ATG7: variants seen among roughly 807,000 people sequenced by gnomAD.
ATG7 encodes autophagy related 7.
ATG7 carries 70 observed loss-of-function variants against 82.4 expected under a neutral mutation model. The observed-to-expected ratio is 0.85, with a 90% CI of 0.70 to 1.04. The LOEUF (loss-of-function observed/expected upper bound fraction) is 1.04. Among genes scored for constraint, ATG7 ranks in the 50% least tolerant of loss-of-function variants. The pLI, the probability that ATG7 is intolerant of heterozygous loss-of-function variation, is 0.00. For synonymous variants in ATG7, 287 were observed against 313.0 expected (o/e 0.92, Z 0.88); for missense variants, 792 against 864.3 (o/e 0.92, Z 1.05).
intron 3 of ATG7, chr3:11,288,636 C>T (rs1383954843): frequency 6.6e-6 from 1 of 152,322 alleles, no homozygotes; most frequent in East Asian, 1.9e-4. Context: ...CCTCTCTCCT[C>T]ACCTCCTAGC....
At position 11,345,409 on chromosome 3, in the gene ATG7, AAAAAT is replaced by A. The variant is rs149439317; in HGVS notation, c.1126-2458_1126-2454del. ...GGGTGACAGAGCAGGACTCTGTCTC[AAAAAT>A]AAAATAAAAGAATTTTGTTGGTTGG... On this transcript the variant is annotated intron_variant, in intron 13 of 20. Transcript: ENST00000693202. Among the ~76,000 whole-genome samples the A allele has an allele frequency of 6.8e-3, 1,041 of 152,312 alleles. 8 individuals carry two copies. The highest frequency in any genetic ancestry group is 0.024 in the African/African-American group (989 of 41,556).
chr3:11,497,363 A>ATATATGTATATG (rs1408489575), intron 20 of ATG7, among the ~76,000 whole-genome samples: 1 of 62,578 alleles, frequency 1.6e-5, no homozygotes, highest in African/African-American at 6.3e-5. Flanking sequence ...AATACTATAT[A>ATATATGTATATG]TATATATATA....
chr3:11,457,563 A>C (rs1025044992), intron 20 of ATG7, among the ~76,000 whole-genome samples: 5 of 152,218 alleles, frequency 3.3e-5, no homozygotes, highest in Admixed American at 1.3e-4. Context: ...AATGTGTGAA[A>C]GAATTTGCAT....
chr3:11,471,251 G>C (rs560367873), intron 20 of ATG7, among the ~76,000 whole-genome samples: 54 of 152,214 alleles, frequency 3.5e-4, no homozygotes, highest in African/African-American at 1.3e-3. Flanking sequence ...GCTGGCCCCA[G>C]CTTCCTCTCA....
intron 19 of ATG7, among the ~76,000 whole-genome samples, chr3:11,393,374 G>A (rs1317359807): frequency 7.0e-6 from 1 of 141,958 alleles, no homozygotes; most frequent in Non-Finnish European, 1.6e-5. Context: ...GGGTACCTCA[G>A]ATACTAACTA....
chr3:11,554,712 A>AG, intron 20 of ATG7, 99 bp from the exon 21 acceptor site: 1 of 1,407,444 alleles, frequency 7.1e-7, no homozygotes, highest in Non-Finnish European at 9.8e-7. Context: ...GTGGTTCTGC[A>AG]GGTGGGAGCT....
At chr3:11,454,001 A>T (rs1041759273) in intron 20 of ATG7, among the ~76,000 whole-genome samples, 2 of 152,188 alleles carry the variant, frequency 1.3e-5, no homozygotes, top group African/African-American at 4.8e-5. Context: ...AATAAATGTG[A>T]CTGCCACTTC....
intron 7 of ATG7, among the ~76,000 whole-genome samples, chr3:11,312,537 C>T (rs1948827520): frequency 6.6e-6 from 1 of 152,196 alleles, no homozygotes; most frequent in Non-Finnish European, 1.5e-5. Context: ...CTCTCCATGG[C>T]TCTAATCATG....
At chr3:11,446,370 G>A (rs555868391) in intron 20 of ATG7, 3 of 290,692 alleles carry the variant, frequency 1.0e-5, no homozygotes, top group Non-Finnish European at 2.0e-5. Flanking sequence ...AATTAAGTAT[G>A]CCAGAGACTC....
chr3:11,532,339 A>C (rs574861613), intron 20 of ATG7, among the ~76,000 whole-genome samples: 1 of 152,188 alleles, frequency 6.6e-6, no homozygotes, highest in South Asian at 2.1e-4. Flanking sequence ...CTATGGCCCA[A>C]AACAGAGGAG....
At chr3:11,573,252 AAAGAAAGAAAGAAAG>A in the ATG7 span, among the ~76,000 whole-genome samples, 1 of 35,672 alleles carries the variant, frequency 2.8e-5, no homozygotes, top group East Asian at 8.2e-4. Flanking sequence ...ATAGAGAAAG[AAAGAAAGAAAGAAAG>A]AAAGAAAGAA....
rs867769514 is a variant in ATG7, at chr3:11,452,249, G to A, written c.2079+25323G>A. Among the ~76,000 whole-genome samples the A allele has an allele frequency of 2.0e-5, 3 of 151,772 alleles. No homozygotes were observed. The South Asian group carries it at 6.3e-4, about 32-fold the overall frequency. ...AAAATACAAAAACTAGCTGGGCATG[G>A]TGGCACATGCCTGTAATCCCAGCTA... On this transcript the variant is annotated intron_variant, in intron 20 of 20. Transcript: ENST00000693202.
intron 20 of ATG7, among the ~76,000 whole-genome samples, chr3:11,438,989 T>C (rs1255689151): frequency 6.6e-6 from 1 of 152,152 alleles, no homozygotes; most frequent in Non-Finnish European, 1.5e-5. Context: ...TTGGGGAGTT[T>C]CCATATTTTG....
rs371022267 is a variant in ATG7 at position 11,342,286 on chromosome 3, C to T, written c.1125+7C>T. ...TGTAGCTAGGACGTTGATGGTAAGT[C>T]GGAGGTGGGGGGTGCAAATGGCACC... On this transcript the variant is annotated splice_region_variant and intron_variant, in intron 13 of 20. Coordinates refer to ENST00000693202, the MANE Select transcript of ATG7 (RefSeq NM_001349232.2). 34 of 1,609,326 alleles carry T rather than the reference C, an allele frequency of 2.1e-5. No individual in the cohort carries two copies. The highest frequency in any genetic ancestry group is 2.5e-5 in the Non-Finnish European group (29 of 1,178,650).
intron 20 of ATG7, among the ~76,000 whole-genome samples, chr3:11,428,789 C>T (rs9845397): frequency 0.87 from 132,843 of 151,882 alleles, 58,465 homozygotes; most frequent in East Asian, 1. Context: ...CTAGAAGTAA[C>T]TTATGTATTG....
At chr3:11,545,196 G>A (rs2071172653) in intron 20 of ATG7, among the ~76,000 whole-genome samples, 2 of 152,300 alleles carry the variant, frequency 1.3e-5, no homozygotes, top group South Asian at 4.1e-4. Context: ...AGGGCTGGGG[G>A]CCTAGGGCCC....
the ATG7 span, among the ~76,000 whole-genome samples, chr3:11,573,719 C>G: frequency 1.0e-3 from 156 of 152,358 alleles, 1 homozygote; most frequent in Non-Finnish European, 1.9e-3. Context: ...TTTTCATACA[C>G]TTACTGACCA....
chr3:11,308,147 G>A (rs1259161273), intron 6 of ATG7, among the ~76,000 whole-genome samples: 5 of 152,202 alleles, frequency 3.3e-5, no homozygotes, highest in African/African-American at 9.7e-5. Flanking sequence ...TCCAAGGCCA[G>A]TATGTCAGTA....
chr3:11,521,218 G>T (rs2092433025), intron 20 of ATG7, among the ~76,000 whole-genome samples: 2 of 152,208 alleles, frequency 1.3e-5, no homozygotes. Context: ...GCCATGAGTT[G>T]AGAAGGCCAG....
Sources: gnomAD v4.1 joint callset for allele counts (sites outside exome capture counted in the v4.1 genomes callset) on GRCh38, gnomAD v4.1.1 for gene constraint, MANE v1.5 for transcripts, NCBI Gene and HGNC (gene_info 2026-07-23, HGNC 2026-07-21) for gene names.